The following LRRC4C variants were observed in gnomAD, a reference collection of about 807,000 sequenced individuals.
LRRC4C encodes leucine-rich repeat-containing protein 4C.
In LRRC4C, 5 loss-of-function variants were observed where a neutral mutation model predicts 33.6. The observed-to-expected ratio is 0.15, with a 90% CI of 0.08 to 0.31. The LOEUF (loss-of-function observed/expected upper bound fraction) is 0.31, where lower values mean the gene tolerates loss of function less well. Among genes scored for constraint, LRRC4C ranks in the 10% least tolerant of loss-of-function variants. The probability of loss-of-function intolerance (pLI) is 1.00; values close to 1 mark genes in which losing one functional copy is unlikely to be tolerated. For synonymous variants in LRRC4C, 329 were observed against 302.0 expected (o/e 1.09, Z -0.93); for missense variants, 560 against 796.7 (o/e 0.70, Z 3.58).
intron 3 of LRRC4C, among the ~76,000 whole-genome samples, chr11:40,509,584 T>C (rs1412713106): frequency 1.3e-5 from 2 of 152,148 alleles, no homozygotes; most frequent in African/African-American, 2.4e-5. Context: ...ATGTTATGTT[T>C]TCGGGACTGC....
intron 2 of LRRC4C, among the ~76,000 whole-genome samples, chr11:40,898,074 G>T (rs915027542): frequency 1.3e-5 from 2 of 152,046 alleles, no homozygotes; most frequent in African/African-American, 4.8e-5. Context: ...ATAAGTTGAG[G>T]CTGGGTGCGG....
chr11:41,357,708 T>C (rs935134850), intron 1 of LRRC4C, among the ~76,000 whole-genome samples: 1 of 152,090 alleles, frequency 6.6e-6, no homozygotes, highest in Non-Finnish European at 1.5e-5. Flanking sequence ...TAATGCATAC[T>C]AGAAAGCCAT....
At chr11:40,686,171 T>G (rs1944944578) in intron 2 of LRRC4C, among the ~76,000 whole-genome samples, 1 of 152,070 alleles carries the variant, frequency 6.6e-6, no homozygotes, top group Non-Finnish European at 1.5e-5. Flanking sequence ...TTCATGACCT[T>G]TCTAAGTCTC....
chr11:40,873,601 T>A (rs1377303423), intron 2 of LRRC4C, among the ~76,000 whole-genome samples: 1 of 152,092 alleles, frequency 6.6e-6, no homozygotes, highest in Non-Finnish European at 1.5e-5. Flanking sequence ...CCAATACTCA[T>A]TTTTACACCC....
At chr11:40,254,965 T>C (rs995836792) in intron 4 of LRRC4C, among the ~76,000 whole-genome samples, 1 of 152,100 alleles carries the variant, frequency 6.6e-6, no homozygotes, top group Non-Finnish European at 1.5e-5. Context: ...CAAACAACCA[T>C]GCCTAGCTGT....
Position 41,437,413 on chromosome 11 carries a change from G to A in LRRC4C, c.-496+22018C>T, listed in dbSNP as rs746334470. Among the ~76,000 whole-genome samples the A allele has an allele frequency of 1.9e-3, 265 of 139,298 alleles. 3 individuals carry two copies. In the East Asian group the frequency reaches 0.024, roughly 12 times the overall value. The allele number at this position is 139,298 out of a possible 152,430, so 91.4% of individuals were successfully genotyped here. ...AAGACACACACGCACACACACAAAC[G>A]CGCGCGCGCGCGCACACACACACAC... On this transcript the variant is annotated intron_variant, in intron 1 of 6. Coordinates refer to ENST00000528697, the MANE Select transcript of LRRC4C (RefSeq NM_001258419.2).
chr11:41,270,032 C>A (rs1283170935), intron 1 of LRRC4C, among the ~76,000 whole-genome samples: 1 of 152,128 alleles, frequency 6.6e-6, no homozygotes, highest in East Asian at 1.9e-4. Flanking sequence ...TCTCTCTGAG[C>A]CTCAGCTGTT....
chr11:40,416,620 T>C (rs1188102313), intron 3 of LRRC4C, among the ~76,000 whole-genome samples: 1 of 152,178 alleles, frequency 6.6e-6, no homozygotes, highest in Admixed American at 6.6e-5. Flanking sequence ...CCACCCTGTA[T>C]CAATTTATGA....
At chr11:40,629,710 G>GGACC (rs1244287508) in intron 3 of LRRC4C, among the ~76,000 whole-genome samples, 1 of 152,122 alleles carries the variant, frequency 6.6e-6, no homozygotes, top group Non-Finnish European at 1.5e-5. Flanking sequence ...AAATGAAATG[G>GGACC]TATTGACCTT....
intron 2 of LRRC4C, among the ~76,000 whole-genome samples, chr11:40,800,945 A>G (rs1283867879): frequency 6.6e-6 from 1 of 152,136 alleles, no homozygotes; most frequent in African/African-American, 2.4e-5. Context: ...CTTGTTCCTT[A>G]AATACATCAT....
chr11:40,480,485 AGAG>A (rs1953494438), intron 3 of LRRC4C, among the ~76,000 whole-genome samples: 1 of 152,034 alleles, frequency 6.6e-6, no homozygotes, highest in Non-Finnish European at 1.5e-5. Flanking sequence ...ACTTGAAGGT[AGAG>A]GAGGGTGGGG....
chr11:41,170,431 A>G (rs1419729377), intron 1 of LRRC4C, among the ~76,000 whole-genome samples: 1 of 152,166 alleles, frequency 6.6e-6, no homozygotes, highest in Non-Finnish European at 1.5e-5. Flanking sequence ...AACAGAACAG[A>G]GCCCTCAGAA....
At chr11:41,148,080 G>A (rs71470166) in intron 1 of LRRC4C, among the ~76,000 whole-genome samples, 3 of 151,752 alleles carry the variant, frequency 2.0e-5, no homozygotes, top group East Asian at 2.0e-4. Flanking sequence ...ATGCAGTGAC[G>A]CCATCTCGGC....
chr11:41,422,456 A>G (rs1954903370), intron 1 of LRRC4C, among the ~76,000 whole-genome samples: 1 of 152,050 alleles, frequency 6.6e-6, no homozygotes, highest in African/African-American at 2.4e-5. Context: ...ATTGTGTGCT[A>G]AGATAATACT....
intron 3 of LRRC4C, among the ~76,000 whole-genome samples, chr11:40,393,713 G>A (rs1475905411): frequency 1.3e-5 from 2 of 152,100 alleles, no homozygotes; most frequent in Non-Finnish European, 2.9e-5. Context: ...TACGACAGCA[G>A]GATGCAATGG....
chr11:40,487,558 A>T (rs1953926190), intron 3 of LRRC4C, among the ~76,000 whole-genome samples: 1 of 152,086 alleles, frequency 6.6e-6, no homozygotes, highest in Admixed American at 6.6e-5. Context: ...GAGAGAAAAA[A>T]ATTCCATGAT....
Position 40,423,720 on chromosome 11 carries a change from C to T in LRRC4C, c.-269-103999G>A, listed in dbSNP as rs116519281. Among the ~76,000 whole-genome samples, 1,148 of 152,226 alleles carry T rather than the reference C, an allele frequency of 7.5e-3. 13 individuals carry two copies. Among genetic ancestry groups the T allele is most frequent in the African/African-American group, 0.026 (1,084 of 41,544 alleles). On this transcript the variant is annotated intron_variant, in intron 3 of 6. Coordinates refer to ENST00000528697, the MANE Select transcript of LRRC4C (RefSeq NM_001258419.2). The stretch of plus-strand genomic sequence containing the variant: ...TTTTCACTGTTTCCCTTTTGTCTTG[C>T]TTGTTTAGGTAAAAAATTATTAACC...
intron 1 of LRRC4C, among the ~76,000 whole-genome samples, chr11:41,056,950 G>T (rs1263075846): frequency 6.6e-6 from 1 of 152,160 alleles, no homozygotes; most frequent in Non-Finnish European, 1.5e-5. Context: ...CTCAGTAGAG[G>T]CAGGAGCTTA....
At chr11:40,850,338 T>C (rs1953418995) in intron 2 of LRRC4C, among the ~76,000 whole-genome samples, 1 of 152,170 alleles carries the variant, frequency 6.6e-6, no homozygotes, top group Non-Finnish European at 1.5e-5. Context: ...TTCTTTTTGC[T>C]GATGTTGATG....
Sources: allele counts gnomAD v4.1 joint callset (sites outside exome capture counted in the v4.1 genomes callset), GRCh38; gene constraint gnomAD v4.1.1; transcripts MANE v1.5; gene names NCBI Gene and HGNC (gene_info 2026-07-23, HGNC 2026-07-21).